The following TNIK variants were observed in gnomAD, a reference collection of about 807,000 sequenced individuals.
The protein encoded by TNIK is TRAF2 and NCK interacting kinase.
TNIK carries 49 observed loss-of-function variants against 191.3 expected under a neutral mutation model. The ratio of observed to expected loss-of-function variants is 0.26; its 90% CI spans 0.20 to 0.32. The LOEUF (loss-of-function observed/expected upper bound fraction) is 0.32. TNIK is among the 10% of genes least tolerant of loss of function. The probability of loss-of-function intolerance (pLI) is 1.00; values close to 1 mark genes in which losing one functional copy is unlikely to be tolerated. For missense variants in TNIK, 1,155 were observed against 1,702.3 expected, an observed-to-expected ratio of 0.68 and a Z score of 5.66; for synonymous variants, 594 against 600.9, an observed-to-expected ratio of 0.99 and a Z score of 0.17.
intron 16 of TNIK, among the ~76,000 whole-genome samples, chr3:171,127,657 A>T (rs1362479045): frequency 6.6e-6 from 1 of 152,214 alleles, no homozygotes; most frequent in Non-Finnish European, 1.5e-5. Flanking sequence ...TCCTGTAAAA[A>T]AATGTATCTT....
intron 2 of TNIK, among the ~76,000 whole-genome samples, chr3:171,234,001 G>C (rs1427776654): frequency 6.6e-6 from 1 of 152,202 alleles, no homozygotes; most frequent in Non-Finnish European, 1.5e-5. Flanking sequence ...AGAGAGACCA[G>C]TTTACTTTCC....
chr3:171,317,287 C>A (rs1218090554), intron 2 of TNIK, among the ~76,000 whole-genome samples: 1 of 152,016 alleles, frequency 6.6e-6, no homozygotes, highest in Non-Finnish European at 1.5e-5. Flanking sequence ...GCAAGACTAC[C>A]ATTTGTTGTT....
At chr3:171,161,203 A>G in intron 11 of TNIK, 67 bp downstream of exon 11, 2 of 1,526,476 alleles carry the variant, frequency 1.3e-6, no homozygotes, top group Admixed American at 1.8e-5. Context: ...AATCAAAAGG[A>G]AAGTGAATTT....
intron 2 of TNIK, among the ~76,000 whole-genome samples, chr3:171,345,483 G>A (rs1712014259): frequency 6.6e-6 from 1 of 151,852 alleles, no homozygotes; most frequent in South Asian, 2.1e-4. Context: ...GGTGTTGGTA[G>A]TTAAATCTTA....
At chr3:171,218,074 G>A (rs1741677333) in intron 3 of TNIK, among the ~76,000 whole-genome samples, 1 of 152,106 alleles carries the variant, frequency 6.6e-6, no homozygotes, top group Non-Finnish European at 1.5e-5. Context: ...TATAAATAAT[G>A]ATTAATATAT....
chr3:171,240,295 G>A (rs772117705), intron 2 of TNIK, among the ~76,000 whole-genome samples: 2 of 152,176 alleles, frequency 1.3e-5, no homozygotes, highest in Non-Finnish European at 2.9e-5. Flanking sequence ...TGTAGCTAGA[G>A]CTCTGCAGGC....
At chr3:171,412,125 C>T (rs950477167) in intron 1 of TNIK, among the ~76,000 whole-genome samples, 1 of 152,148 alleles carries the variant, frequency 6.6e-6, no homozygotes, top group Admixed American at 6.5e-5. Context: ...GTCTAATAAC[C>T]CTTTCTCTTG....
At chr3:171,188,436 G>A (rs1300286462) in intron 7 of TNIK, among the ~76,000 whole-genome samples, 3 of 151,962 alleles carry the variant, frequency 2.0e-5, no homozygotes, top group African/African-American at 7.3e-5. Flanking sequence ...CCAATAATAA[G>A]AAGCAAGAGT....
At chr3:171,295,744 C>A (rs995867400) in intron 2 of TNIK, among the ~76,000 whole-genome samples, 1 of 152,222 alleles carries the variant, frequency 6.6e-6, no homozygotes, top group Non-Finnish European at 1.5e-5. Flanking sequence ...TGTGTGGCCA[C>A]CACAGACCAG....
intron 4 of TNIK, among the ~76,000 whole-genome samples, chr3:171,196,820 T>C (rs936627416): frequency 6.6e-6 from 1 of 152,178 alleles, no homozygotes; most frequent in Non-Finnish European, 1.5e-5. Flanking sequence ...GCTGGCGCGA[T>C]CTCGGCTCAC....
intron 2 of TNIK, among the ~76,000 whole-genome samples, chr3:171,347,665 G>A (rs1712475991): frequency 6.6e-6 from 1 of 152,162 alleles, no homozygotes; most frequent in Admixed American, 6.5e-5. Context: ...AACTTCAAGT[G>A]TGGTATTTCG....
At chr3:171,323,537 G>C (rs9883335) in intron 2 of TNIK, among the ~76,000 whole-genome samples, 1 of 152,064 alleles carries the variant, frequency 6.6e-6, no homozygotes, top group South Asian at 2.1e-4. Flanking sequence ...TGACAATTTC[G>C]GGGTCAAGAA....
intron 1 of TNIK, among the ~76,000 whole-genome samples, chr3:171,415,733 C>T (rs1009487837): frequency 6.6e-6 from 1 of 151,816 alleles, no homozygotes; most frequent in African/African-American, 2.4e-5. Flanking sequence ...CTAATCCCAG[C>T]ACTTTGGGAT....
intron 1 of TNIK, among the ~76,000 whole-genome samples, chr3:171,431,456 C>T (rs1223686033): frequency 6.6e-6 from 1 of 151,972 alleles, no homozygotes; most frequent in Admixed American, 6.6e-5. Context: ...ATCAGGGATT[C>T]CTCTGATAAT....
At chr3:171,163,851 T>C (rs1291983126) in intron 10 of TNIK, among the ~76,000 whole-genome samples, 1 of 149,774 alleles carries the variant, frequency 6.7e-6, no homozygotes, top group Non-Finnish European at 1.5e-5. Context: ...ATTACTGGGT[T>C]AAATTTGGCA....
At chr3:171,178,159 C>T (rs1736185780) in intron 7 of TNIK, among the ~76,000 whole-genome samples, 1 of 152,090 alleles carries the variant, frequency 6.6e-6, no homozygotes, top group African/African-American at 2.4e-5. Flanking sequence ...GTGTACAAAT[C>T]CGAGGGTGTA....
At chr3:171,203,697 T>A (rs1181910939) in intron 4 of TNIK, among the ~76,000 whole-genome samples, 1 of 152,238 alleles carries the variant, frequency 6.6e-6, no homozygotes, top group Non-Finnish European at 1.5e-5. Flanking sequence ...AGAACTAGTC[T>A]AATATTATCA....
intron 3 of TNIK, among the ~76,000 whole-genome samples, chr3:171,211,714 G>A (rs1187827571): frequency 6.6e-6 from 1 of 152,164 alleles, no homozygotes; most frequent in African/African-American, 2.4e-5. Context: ...CCTGACTGAA[G>A]ATGATGAAAG....
At chr3:171,459,925 A>ACCCCCCCCC in intron 1 of TNIK, 82 bp downstream of exon 1, 1 of 494,212 alleles carries the variant, frequency 2.0e-6, no homozygotes, top group Non-Finnish European at 3.8e-6. Context: ...CCCCTGCCCC[A>ACCCCCCCCC]GCCCCAGCCC....
Sources: allele counts gnomAD v4.1 joint callset (sites outside exome capture counted in the v4.1 genomes callset), GRCh38; gene constraint gnomAD v4.1.1; transcripts MANE v1.5; gene names NCBI Gene and HGNC (gene_info 2026-07-23, HGNC 2026-07-21).